B4GALNT3: variants seen among roughly 807,000 people sequenced by gnomAD.
B4GALNT3 encodes the protein beta-1,4-N-acetylgalactosaminyltransferase 3.
A neutral mutation model predicts 120.2 loss-of-function variants in B4GALNT3; 86 were observed. The ratio of observed to expected loss-of-function variants is 0.72; its 90% CI spans 0.60 to 0.86. The LOEUF (loss-of-function observed/expected upper bound fraction) is 0.86. Among genes scored for constraint, B4GALNT3 ranks in the 40% least tolerant of loss-of-function variants. The probability of loss-of-function intolerance (pLI) is 0.00; values close to 1 mark genes in which losing one functional copy is unlikely to be tolerated. For missense variants in B4GALNT3, 1,167 were observed against 1,298.9 expected (o/e 0.90, Z 1.56); for synonymous variants, 518 against 510.4 (o/e 1.01, Z -0.20).
chr12:469,285 G>C (rs1445236875), intron 1 of B4GALNT3, among the ~76,000 whole-genome samples: 2 of 152,146 alleles, frequency 1.3e-5, no homozygotes, highest in Admixed American at 6.5e-5. Context: ...CTATAATGCT[G>C]TTCCCGTAGA....
chr12:546,130 G>A (rs1424373819), intron 6 of B4GALNT3, among the ~76,000 whole-genome samples: 5 of 143,580 alleles, frequency 3.5e-5, no homozygotes, highest in Admixed American at 3.5e-4. Flanking sequence ...GGAAAAGCGG[G>A]AAGGAGTCGG....
At chr12:546,608 T>C (rs1294320183) in intron 6 of B4GALNT3, 38 bp from the exon 7 acceptor site, 2 of 1,536,622 alleles carry the variant, frequency 1.3e-6, no homozygotes, top group Admixed American at 3.9e-5. Context: ...TCCTGTTTTC[T>C]CTGTTCCTCC....
Position 550,019 on chromosome 12 carries a change from CGTAGAACTTTTTATCGTCCTT to C in B4GALNT3, c.997+111_997+131del. The C allele has an allele frequency of 1.1e-5, 14 of 1,277,606 alleles. No homozygotes were observed. In the South Asian group the frequency reaches 2.0e-4, roughly 19 times the overall value. 79.1% of individuals were successfully genotyped at this position (1,277,606 alleles called of 1,614,324 possible). ...GAGACCTGCCAAGTATCCCAATCAC[CGTAGAACTTTTTATCGTCCTT>C]GTAACATAGAACATGCATACAGAAA... On this transcript the variant is annotated intron_variant, in intron 10 of 19. Coordinates refer to ENST00000266383, the MANE Select transcript of B4GALNT3 (RefSeq NM_173593.4). This position sits in a 1 kb window ranked among gnomAD's most constrained non-coding sequence, Gnocchi z 4.1.
At chr12:503,837 G>A (rs191784980) in intron 1 of B4GALNT3, among the ~76,000 whole-genome samples, 10 of 152,144 alleles carry the variant, frequency 6.6e-5, no homozygotes, top group South Asian at 2.1e-4. Flanking sequence ...AAAAGTGGCC[G>A]GGCATGGTGG....
intron 1 of B4GALNT3, among the ~76,000 whole-genome samples, chr12:528,505 T>G (rs563967264): frequency 7.1e-4 from 108 of 152,368 alleles, no homozygotes; most frequent in Admixed American, 2.0e-3. Context: ...GTTGTATTAC[T>G]AATAATTTTT....
At chr12:466,461 ATG>A (rs775662436) in intron 1 of B4GALNT3, among the ~76,000 whole-genome samples, 1 of 152,234 alleles carries the variant, frequency 6.6e-6, no homozygotes, top group Non-Finnish European at 1.5e-5. Flanking sequence ...TGTAAAGATT[ATG>A]TGGTCTCAAC....
chr12:485,492 C>T (rs1338330111), intron 1 of B4GALNT3, among the ~76,000 whole-genome samples: 1 of 152,140 alleles, frequency 6.6e-6, no homozygotes, highest in Non-Finnish European at 1.5e-5. Flanking sequence ...ACAGATGTTC[C>T]ACTAGGAGCA....
chr12:543,048 C>T, intron 3 of B4GALNT3: 1 of 1,215,904 alleles, frequency 8.2e-7, no homozygotes, highest in South Asian at 1.3e-5. Context: ...TCCCTGTCCT[C>T]TCAGCTATTC....
intron 1 of B4GALNT3, among the ~76,000 whole-genome samples, chr12:463,271 G>T (rs566821572): frequency 6.6e-6 from 1 of 152,320 alleles, no homozygotes; most frequent in East Asian, 1.9e-4. Flanking sequence ...GTAATGACAG[G>T]GGAGCATATT....
chr12:467,516 G>T (rs1454588501), intron 1 of B4GALNT3, among the ~76,000 whole-genome samples: 1 of 152,140 alleles, frequency 6.6e-6, no homozygotes, highest in Non-Finnish European at 1.5e-5. Context: ...CCAAGATGGC[G>T]CCACTGCACT....
At chr12:547,027 T>C (rs1361458358) in intron 7 of B4GALNT3, among the ~76,000 whole-genome samples, 2 of 152,170 alleles carry the variant, frequency 1.3e-5, no homozygotes, top group Non-Finnish European at 2.9e-5. Context: ...CACAACAGCC[T>C]GGACCCCGGA....
rs562083399 is a variant in B4GALNT3, at chr12:501,343, GCTA to G, written c.170-33820_170-33818del. ...AATGTAAGTGTGTAACTGAGATAAG[GCTA>G]CTGTTATTATTCTACACTCTAAACA... is the stretch of plus-strand genomic sequence containing the variant. On this transcript the variant is annotated intron_variant, in intron 1 of 19. Transcript: ENST00000266383. Among the ~76,000 whole-genome samples the G allele has an allele frequency of 3.9e-5, 6 of 152,226 alleles. No homozygotes were observed. In the South Asian group the frequency reaches 1.2e-3, roughly 32 times the overall value.
intron 15 of B4GALNT3, among the ~76,000 whole-genome samples, chr12:557,149 G>C (rs1036154677): frequency 2.0e-5 from 3 of 152,182 alleles, no homozygotes; most frequent in African/African-American, 7.2e-5. Flanking sequence ...CACTGGGGAT[G>C]ATCATTGGTC....
rs780545077 is a variant in B4GALNT3, at chr12:558,597, A to G, written c.2697A>G (p.Gly899=). Residue 899 remains glycine (G), a synonymous_variant, in exon 18 of 20, where the codon GGA becomes GGG. Transcript: ENST00000266383. ...IDAIRKHCVE[G]KMAFAPMVMR... is the part of the protein sequence containing the mutation. ...CCATTCGGAAGCACTGTGTGGAGGG[A>G]AAGATGGCCTTTGCCCCCATGGTGA... The G allele has an allele frequency of 1.2e-6, 2 of 1,614,114 alleles. No homozygotes were observed. Among genetic ancestry groups the G allele is most frequent in the South Asian group, 2.2e-5 (2 of 91,084 alleles).
chr12:549,622 G>A (rs4980938), intron 9 of B4GALNT3, 147 bp from the exon 10 acceptor site: 169,871 of 1,026,828 alleles, frequency 0.17, 16,737 homozygotes, highest in Admixed American at 0.34. Context: ...TGTGGCGGGG[G>A]CCAGAGGGAG....
At chr12:475,519 G>T (rs1946176699) in intron 1 of B4GALNT3, among the ~76,000 whole-genome samples, 2 of 152,068 alleles carry the variant, frequency 1.3e-5, no homozygotes, top group Non-Finnish European at 2.9e-5. Flanking sequence ...CGGAGGTGGG[G>T]TCTCCTCCCT....
chr12:551,260 C>T (rs1565610022), intron 11 of B4GALNT3, among the ~76,000 whole-genome samples: 1 of 152,234 alleles, frequency 6.6e-6, no homozygotes, highest in Non-Finnish European at 1.5e-5. Flanking sequence ...TCAGGGCCCC[C>T]CAACACACAC....
At chr12:528,183 G>A (rs1946774586) in intron 1 of B4GALNT3, among the ~76,000 whole-genome samples, 1 of 152,108 alleles carries the variant, frequency 6.6e-6, no homozygotes, top group South Asian at 2.1e-4. Context: ...TAACCTCTAA[G>A]CCTTCTTTTC....
At chr12:541,301 C>T (rs572689026) in intron 3 of B4GALNT3, among the ~76,000 whole-genome samples, 13 of 152,366 alleles carry the variant, frequency 8.5e-5, no homozygotes, top group African/African-American at 2.9e-4. Context: ...TCAATGTCCT[C>T]ACCCTTAAAA....
Sources: gnomAD v4.1 joint callset for allele counts (sites outside exome capture counted in the v4.1 genomes callset) on GRCh38, gnomAD v4.1.1 for gene constraint, Gnocchi (gnomAD v3.1) non-coding constraint, MANE v1.5 for transcripts, NCBI Gene and HGNC (gene_info 2026-07-23, HGNC 2026-07-21) for gene names.